The following DCC variants were observed in gnomAD, a reference collection of about 807,000 sequenced individuals.
DCC encodes the protein DCC netrin 1 receptor.
A neutral mutation model predicts 172.5 loss-of-function variants in DCC; 58 were observed. The ratio of observed to expected loss-of-function variants is 0.34; its 90% CI spans 0.27 to 0.42. The LOEUF (loss-of-function observed/expected upper bound fraction) is 0.42, where lower values mean the gene tolerates loss of function less well. Ranked by LOEUF, DCC falls within the 10% of genes least tolerant of loss-of-function variation. The pLI, the probability that DCC is intolerant of heterozygous loss-of-function variation, is 1.00. For synonymous variants in DCC, 709 were observed against 644.5 expected (o/e 1.10, Z -1.52); for missense variants, 1,740 against 1,791.0 (o/e 0.97, Z 0.51).
chr18:53,342,616 A>G (rs1000840189), intron 15 of DCC, among the ~76,000 whole-genome samples: 4 of 150,410 alleles, frequency 2.7e-5, no homozygotes, highest in African/African-American at 7.3e-5. Flanking sequence ...AATTTCTCTA[A>G]TTTATCTCAG....
At chr18:52,847,463 T>C (rs919386413) in intron 2 of DCC, among the ~76,000 whole-genome samples, 1 of 152,144 alleles carries the variant, frequency 6.6e-6, no homozygotes, top group Admixed American at 6.5e-5. Flanking sequence ...TCAGAACAAA[T>C]ATATTTCATT....
intron 1 of DCC, among the ~76,000 whole-genome samples, chr18:52,541,889 AT>A (rs1282011528): frequency 2.2e-5 from 3 of 136,340 alleles, no homozygotes; most frequent in African/African-American, 8.1e-5. Context: ...ATATATATAT[AT>A]ATATATGTGT....
chr18:52,948,360 T>C (rs750004036), intron 5 of DCC, among the ~76,000 whole-genome samples: 43 of 149,386 alleles, frequency 2.9e-4, no homozygotes, highest in Non-Finnish European at 4.6e-4. Context: ...TTGGAAAATA[T>C]AATGAGACAA....
chr18:52,461,615 C>T (rs116845419), intron 1 of DCC, among the ~76,000 whole-genome samples: 3,265 of 152,270 alleles, frequency 0.021, 55 homozygotes, highest in Non-Finnish European at 0.034. Flanking sequence ...GCTACAACCT[C>T]ACTAGGCCAT....
In DCC at chr18:52,340,836, C is replaced by T. The variant is rs765345419; in HGVS notation, c.49C>T (p.Leu17Phe). ...CVWVPKLAFV[L>F]FGASLFSAHL... The stretch of plus-strand genomic sequence containing the variant: ...TTGGGTACCCAAGCTGGCTTTTGTA[C>T]TCTTCGGAGCTTCCTTGTTCAGCGC... The change falls in exon 1 of 29, where the codon CTC (leucine) becomes TTC (phenylalanine). Residue 17 changes from leucine (L) to phenylalanine (F), a missense_variant. Physicochemically the swap from Leu to Phe is conservative, Grantham distance 22. Around this residue, in one of 2 missense-constraint regions of DCC, gnomAD observed 1,732 missense variants for 1,767.4 expected, o/e 0.98. Coordinates refer to ENST00000442544, the MANE Select transcript of DCC (RefSeq NM_005215.4). The T allele has an allele frequency of 6.2e-7, 1 of 1,614,000 alleles. No individual in the cohort carries two copies. Among genetic ancestry groups the T allele is most frequent in the African/African-American group, 1.3e-5 (1 of 74,928 alleles).
intron 3 of DCC, among the ~76,000 whole-genome samples, chr18:52,910,229 A>G (rs1002462484): frequency 2.6e-5 from 4 of 152,092 alleles, no homozygotes; most frequent in African/African-American, 9.7e-5. Flanking sequence ...TGGAATCCAG[A>G]CTCTGACAGA....
chr18:53,328,538 TTGC>T (rs376886283), intron 14 of DCC, among the ~76,000 whole-genome samples: 5 of 152,174 alleles, frequency 3.3e-5, no homozygotes, highest in Non-Finnish European at 5.9e-5. Context: ...GTTGTTGTTG[TTGC>T]TGCTGCTGTT....
intron 5 of DCC, among the ~76,000 whole-genome samples, chr18:53,039,600 G>C (rs1037026803): frequency 1.3e-5 from 2 of 151,924 alleles, no homozygotes; most frequent in African/African-American, 4.8e-5. Context: ...TTGGAAAGAG[G>C]CTTCTTGACT....
intron 25 of DCC, among the ~76,000 whole-genome samples, chr18:53,481,376 G>A (rs2045829930): frequency 6.6e-6 from 1 of 152,118 alleles, no homozygotes; most frequent in Admixed American, 6.6e-5. Context: ...AAGAATAACT[G>A]CAAAGCACAT....
intron 1 of DCC, among the ~76,000 whole-genome samples, chr18:52,681,498 A>G (rs562682307): frequency 2.0e-5 from 3 of 152,220 alleles, no homozygotes; most frequent in South Asian, 4.1e-4. Context: ...ATTGTTCAAA[A>G]GTAGTGGAAA....
At chr18:52,966,413 A>AT (rs949589142) in intron 5 of DCC, among the ~76,000 whole-genome samples, 8 of 152,062 alleles carry the variant, frequency 5.3e-5, no homozygotes, top group South Asian at 2.1e-4. Flanking sequence ...AACAATCTCA[A>AT]TTTTTTTCTG....
At chr18:52,434,214 C>A (rs1357578650) in intron 1 of DCC, among the ~76,000 whole-genome samples, 2 of 152,138 alleles carry the variant, frequency 1.3e-5, no homozygotes, top group Admixed American at 1.3e-4. Context: ...ATATACTTTA[C>A]ACCACTGGTG....
chr18:53,448,687 G>T (rs1000918915), intron 22 of DCC, among the ~76,000 whole-genome samples: 14 of 152,054 alleles, frequency 9.2e-5, no homozygotes, highest in African/African-American at 3.1e-4. Flanking sequence ...GGCAAAACCC[G>T]TCTCTACTAA....
chr18:53,152,227 T>C (rs1299907788), intron 7 of DCC, among the ~76,000 whole-genome samples: 1 of 152,186 alleles, frequency 6.6e-6, no homozygotes, highest in Admixed American at 6.5e-5. Flanking sequence ...ATTGGCTTGT[T>C]TGAGGTTTAA....
chr18:53,079,329 G>A (rs1292882407), intron 7 of DCC, among the ~76,000 whole-genome samples: 1 of 151,874 alleles, frequency 6.6e-6, no homozygotes, highest in Non-Finnish European at 1.5e-5. Context: ...TTAATGTGAG[G>A]CTTTGAGCCC....
chr18:52,797,687 G>A (rs1050692233), intron 2 of DCC, among the ~76,000 whole-genome samples: 4 of 152,138 alleles, frequency 2.6e-5, no homozygotes, highest in Admixed American at 2.6e-4. Context: ...GTGTGTGCAG[G>A]CACCAGCAGT....
At chr18:52,689,230 A>C (rs1487851328) in intron 1 of DCC, among the ~76,000 whole-genome samples, 5 of 152,172 alleles carry the variant, frequency 3.3e-5, no homozygotes, top group African/African-American at 9.7e-5. Context: ...CAACTTGAGA[A>C]AGAAGCAAGA....
intron 1 of DCC, among the ~76,000 whole-genome samples, chr18:52,354,339 G>A (rs1984264531): frequency 6.6e-6 from 1 of 152,198 alleles, no homozygotes; most frequent in African/African-American, 2.4e-5. Context: ...TTAGTCCTAT[G>A]AGGAAACAAT....
At chr18:53,373,693 A>C (rs765031206) in intron 15 of DCC, among the ~76,000 whole-genome samples, 1 of 152,162 alleles carries the variant, frequency 6.6e-6, no homozygotes, top group African/African-American at 2.4e-5. Flanking sequence ...TCAGGTGTTC[A>C]TGAGTTGAGT....
Sources: allele counts gnomAD v4.1 joint callset (sites outside exome capture counted in the v4.1 genomes callset), GRCh38; gene constraint gnomAD v4.1.1; regional missense constraint gnomAD v4.1.1; transcripts MANE v1.5; gene names NCBI Gene and HGNC (gene_info 2026-07-23, HGNC 2026-07-21).